SNX25: variants seen among roughly 807,000 people sequenced by gnomAD.
The protein encoded by SNX25 is sorting nexin 25.
In SNX25, 62 loss-of-function variants were observed where a neutral mutation model predicts 113.7. That is an observed-to-expected ratio of 0.55 (90% CI 0.44 to 0.67). The LOEUF (loss-of-function observed/expected upper bound fraction) is 0.67. SNX25 is among the 30% of genes least tolerant of loss of function. The probability of loss-of-function intolerance (pLI) is 0.00; values close to 1 mark genes in which losing one functional copy is unlikely to be tolerated. For synonymous variants in SNX25, 421 were observed against 436.2 expected, an observed-to-expected ratio of 0.97 and a Z score of 0.43; for missense variants, 1,014 against 1,161.0, an observed-to-expected ratio of 0.87 and a Z score of 1.84.
chr4:185,231,507 C>G (rs1019424783), intron 1 of SNX25, among the ~76,000 whole-genome samples: 2 of 151,702 alleles, frequency 1.3e-5, no homozygotes, highest in Non-Finnish European at 2.9e-5. Context: ...GTCAGGAGTT[C>G]AAGACCAGCC....
chr4:185,351,257 T>G (rs2095313466), intron 13 of SNX25, among the ~76,000 whole-genome samples, 188 bp from the exon 14 acceptor site: 1 of 152,198 alleles, frequency 6.6e-6, no homozygotes, highest in Non-Finnish European at 1.5e-5. Flanking sequence ...GAGGGGATTG[T>G]TTGCCATTAA....
chr4:185,271,717 T>C (rs1748958709), intron 5 of SNX25, among the ~76,000 whole-genome samples: 1 of 152,280 alleles, frequency 6.6e-6, no homozygotes, highest in Admixed American at 6.5e-5. Context: ...TTATTTAGAC[T>C]AAGCAGTTGA....
chr4:185,214,611 A>T (rs1413793240), intron 1 of SNX25, among the ~76,000 whole-genome samples: 1 of 152,156 alleles, frequency 6.6e-6, no homozygotes, highest in East Asian at 1.9e-4. Context: ...GCTTAGTAGA[A>T]TATCGGAAAC....
chr4:185,245,069 G>A (rs35201112), intron 1 of SNX25, among the ~76,000 whole-genome samples: 1 of 151,716 alleles, frequency 6.6e-6, no homozygotes, highest in Non-Finnish European at 1.5e-5. Context: ...GAGGGCAACC[G>A]TAACATTAGC....
rs1737462427 is a variant in SNX25, at chr4:185,209,869, C to T, written c.43C>T (p.Pro15Ser). Residue 15 changes from proline (P) to serine (S), a missense_variant, in exon 1 of 19, where the codon CCC becomes TCC. By Grantham distance (74) the Pro-to-Ser change is moderately conservative. Transcript: ENST00000652585. The surrounding 1 kb of genome is among the most constrained non-coding windows in gnomAD (Gnocchi z 5.2). ...ATDSGGAGPSPARAAGAGGRP... is the reference protein window; with the variant it reads ...ATDSGGAGPSSARAAGAGGRP... The stretch of plus-strand genomic sequence containing the variant: ...CGACAGTGGCGGCGCCGGCCCCAGC[C>T]CCGCGCGGGCCGCAGGCGCCGGCGG... The T allele has an allele frequency of 5.1e-6, 5 of 983,298 alleles. No individual in the cohort carries two copies. In the South Asian group the frequency reaches 1.4e-4, roughly 28 times the overall value. The allele number at this position is 983,298 out of a possible 1,614,324, so 60.9% of individuals were successfully genotyped here.
In SNX25 at chr4:185,353,506, G is replaced by A; in HGVS notation, c.2488G>A (p.Asp830Asn). ...CCAGGAGGAGACAGAGGAGGACAGT[G>A]ACCTGTCAGATTATGGTGATGATGT... ...HQEEETEEDS[D>N]LSDYGDDVDG... The change falls in exon 15 of 19, where the codon GAC (aspartate) becomes AAC (asparagine). Residue 830 changes from aspartate (D) to asparagine (N), a missense_variant. Asp to Asn is a conservative substitution (Grantham distance 23). Transcript: ENST00000652585. 6.2e-7 allele frequency: 1 copy of A among 1,613,646 alleles called. No individual in the cohort carries two copies. The highest frequency in any genetic ancestry group is 2.2e-5 in the East Asian group (1 of 44,882).
At chr4:185,373,171 G>T, downstream of SNX25, 1 of 1,149,532 alleles carries the variant, frequency 8.7e-7, no homozygotes, top group Non-Finnish European at 1.3e-6. Context: ...GTGTTTCCTA[G>T]ATAGCACTAT....
chr4:185,322,423 T>C (rs1334315212), intron 8 of SNX25, among the ~76,000 whole-genome samples: 1 of 152,062 alleles, frequency 6.6e-6, no homozygotes, highest in Non-Finnish European at 1.5e-5. Context: ...CAGCAAGATT[T>C]GGTCTTGGGG....
intron 1 of SNX25, among the ~76,000 whole-genome samples, chr4:185,212,622 G>A (rs574293485): frequency 3.9e-4 from 59 of 151,854 alleles, no homozygotes; most frequent in Non-Finnish European, 4.9e-4. Flanking sequence ...TAGAATTATC[G>A]GCGTGAGCCA....
At chr4:185,362,131 A>G (rs2095367263) in intron 17 of SNX25, 26 bp downstream of exon 17, 1 of 1,583,746 alleles carries the variant, frequency 6.3e-7, no homozygotes, top group Admixed American at 1.8e-5. Context: ...TTAGCCTGAA[A>G]AGCATAGAGA....
rs752975557 is a variant in SNX25 at position 185,269,070 on chromosome 4, G to C, written c.1091+1915G>C. Among the ~76,000 whole-genome samples, 3 of 151,896 alleles carry C rather than the reference G, an allele frequency of 2.0e-5. No homozygotes were observed. In the South Asian group the frequency reaches 6.2e-4, roughly 32 times the overall value. On this transcript the variant is annotated intron_variant, in intron 5 of 18. Transcript: ENST00000652585. ...GTCTGAGTCTAGACATTTCTTTTTC[G>C]TAAGTGTGATGCTTGAGCTAGAACC...
downstream of SNX25, among the ~76,000 whole-genome samples, chr4:185,373,742 T>G (rs2095423992): frequency 6.6e-6 from 1 of 152,228 alleles, no homozygotes; most frequent in East Asian, 1.9e-4. Flanking sequence ...ATGAAAGAGA[T>G]TATATTTCTG....
chr4:185,293,212 A>G (rs569044672), intron 6 of SNX25, among the ~76,000 whole-genome samples: 25 of 152,354 alleles, frequency 1.6e-4, no homozygotes, highest in African/African-American at 6.0e-4. Context: ...AATGGAAAAT[A>G]GAAGACAATT....
At chr4:185,351,644 G>A (rs768275982) in intron 14 of SNX25, 35 bp downstream of exon 14, 7 of 1,603,586 alleles carry the variant, frequency 4.4e-6, no homozygotes, top group Middle Eastern at 1.7e-4. Flanking sequence ...CTTTTGTAGT[G>A]TATTTCAGCA....
At chr4:185,246,122 C>T (rs1744835510) in intron 1 of SNX25, among the ~76,000 whole-genome samples, 1 of 152,102 alleles carries the variant, frequency 6.6e-6, no homozygotes, top group Admixed American at 6.5e-5. Flanking sequence ...CCCATCTCTA[C>T]TAGAAATAAA....
chr4:185,357,854 T>C, intron 16 of SNX25, 117 bp downstream of exon 16: 2 of 862,952 alleles, frequency 2.3e-6, no homozygotes, highest in Non-Finnish European at 3.7e-6. Flanking sequence ...TTTCTCTCAC[T>C]TTTCGTTTCT....
At chr4:185,287,719 A>T (rs892465577) in intron 5 of SNX25, among the ~76,000 whole-genome samples, 12 of 152,266 alleles carry the variant, frequency 7.9e-5, no homozygotes, top group African/African-American at 2.9e-4. Context: ...GAGGAGAGGG[A>T]GGCTGAGCAT....
chr4:185,358,026 C>T (rs981922869), intron 16 of SNX25, among the ~76,000 whole-genome samples: 5 of 152,088 alleles, frequency 3.3e-5, no homozygotes, highest in African/African-American at 7.2e-5. Flanking sequence ...ATCATGACGA[C>T]GAGTTTGAGT....
rs950352704 is a variant in SNX25, at chr4:185,334,178, A to C, written c.1914+1419A>C. On this transcript the variant is annotated intron_variant, in intron 10 of 18. Transcript: ENST00000652585. This position sits in a 1 kb window ranked among gnomAD's most constrained non-coding sequence, Gnocchi z 4.2. ...ACATGATGAAACCCTGTGTCTACTAAAAATACAAAAATTAGCCAGGCATGG... is the reference window on the plus strand; with the variant it reads ...ACATGATGAAACCCTGTGTCTACTACAAATACAAAAATTAGCCAGGCATGG... Among the ~76,000 whole-genome samples the C allele has an allele frequency of 6.6e-6, 1 of 152,126 alleles. No homozygotes were observed. The highest frequency in any genetic ancestry group is 1.5e-5 in the Non-Finnish European group (1 of 68,038).
Sources: gnomAD v4.1 joint callset for allele counts (sites outside exome capture counted in the v4.1 genomes callset) on GRCh38, gnomAD v4.1.1 for gene constraint, Gnocchi (gnomAD v3.1) non-coding constraint, MANE v1.5 for transcripts, NCBI Gene and HGNC (gene_info 2026-07-23, HGNC 2026-07-21) for gene names.